The following CCSER1 variants were observed in gnomAD, a reference collection of about 807,000 sequenced individuals.
CCSER1 encodes serine-rich coiled-coil domain-containing protein 1.
In CCSER1, 41 loss-of-function variants were observed where a neutral mutation model predicts 82.0. The observed-to-expected ratio is 0.50, with a 90% CI of 0.39 to 0.65. The LOEUF (loss-of-function observed/expected upper bound fraction) is 0.65. Among genes scored for constraint, CCSER1 ranks in the 30% least tolerant of loss-of-function variants. The pLI is 0.00. For synonymous variants in CCSER1, 414 were observed against 383.9 expected, an observed-to-expected ratio of 1.08 and a Z score of -0.92; for missense variants, 1,119 against 1,064.2, an observed-to-expected ratio of 1.05 and a Z score of -0.72.
Position 90,178,961 on chromosome 4 carries a change from C to G in CCSER1, c.-42+51130C>G, listed in dbSNP as rs368954764. On this transcript the variant is annotated intron_variant, in intron 1 of 10. Transcript: ENST00000509176. ...CAAGGTGATTTTTTTCACCATTTAT[C>G]CTAAAGGAGAAACTTACGCATACAT... Among the ~76,000 whole-genome samples, 37 of 152,056 alleles carry G rather than the reference C, an allele frequency of 2.4e-4. 1 individual carries two copies. The highest frequency in any genetic ancestry group is 8.4e-4 in the African/African-American group (35 of 41,482).
At chr4:90,410,445 T>C (rs182892384) in intron 4 of CCSER1, among the ~76,000 whole-genome samples, 117 of 152,244 alleles carry the variant, frequency 7.7e-4, no homozygotes, top group African/African-American at 2.6e-3. Flanking sequence ...CCGACCACAG[T>C]GCAATCCAAC....
chr4:90,698,182 T>G (rs1737333890), intron 6 of CCSER1, among the ~76,000 whole-genome samples: 1 of 152,254 alleles, frequency 6.6e-6, no homozygotes, highest in East Asian at 1.9e-4. Flanking sequence ...TTTTTTATCT[T>G]GAGAGGGACT....
At chr4:90,752,740 A>C (rs1748868573) in intron 7 of CCSER1, among the ~76,000 whole-genome samples, 1 of 152,002 alleles carries the variant, frequency 6.6e-6, no homozygotes, top group South Asian at 2.1e-4. Context: ...GATGCCTTTC[A>C]ATTATTTATC....
chr4:91,163,961 A>T (rs1268897761), intron 10 of CCSER1, among the ~76,000 whole-genome samples: 1 of 152,092 alleles, frequency 6.6e-6, no homozygotes, highest in Non-Finnish European at 1.5e-5. Context: ...TGTGAATTTG[A>T]TCCTGTCATT....
intron 8 of CCSER1, among the ~76,000 whole-genome samples, chr4:90,847,631 G>A (rs2149908346): frequency 6.6e-6 from 1 of 151,950 alleles, no homozygotes; most frequent in South Asian, 2.1e-4. Flanking sequence ...AACTTTCTTA[G>A]GTTGTCAGAT....
chr4:90,936,958 A>G (rs1214776865), intron 9 of CCSER1, among the ~76,000 whole-genome samples: 1 of 151,346 alleles, frequency 6.6e-6, no homozygotes, highest in Non-Finnish European at 1.5e-5. Flanking sequence ...TATGTAAAAG[A>G]AAAAAAAAGA....
intron 10 of CCSER1, among the ~76,000 whole-genome samples, chr4:91,279,943 A>G (rs915044395): frequency 9.2e-5 from 14 of 152,158 alleles, no homozygotes; most frequent in African/African-American, 3.4e-4. Context: ...TGTTCGTTGG[A>G]TAAGGTGCTT....
At chr4:91,384,233 T>C (rs1427994071) in intron 10 of CCSER1, among the ~76,000 whole-genome samples, 2 of 152,094 alleles carry the variant, frequency 1.3e-5, no homozygotes, top group Non-Finnish European at 2.9e-5. Context: ...AACACCTAGA[T>C]CTACAAAATC....
At chr4:91,348,340 T>C (rs2149296061) in intron 10 of CCSER1, among the ~76,000 whole-genome samples, 1 of 152,292 alleles carries the variant, frequency 6.6e-6, no homozygotes, top group East Asian at 1.9e-4. Flanking sequence ...CATTTGATCA[T>C]GGTGTATAAT....
chr4:90,395,172 G>A (rs775204041), intron 3 of CCSER1, among the ~76,000 whole-genome samples: 10 of 152,130 alleles, frequency 6.6e-5, no homozygotes, highest in Non-Finnish European at 1.0e-4. Context: ...AGATCATGTG[G>A]TATTTATGTT....
At chr4:90,770,947 A>G (rs1752050285) in intron 7 of CCSER1, among the ~76,000 whole-genome samples, 1 of 152,194 alleles carries the variant, frequency 6.6e-6, no homozygotes, top group Non-Finnish European at 1.5e-5. Context: ...GTTGGAAGAA[A>G]AAACAGTTGT....
chr4:90,358,962 T>G (rs1017085924), intron 3 of CCSER1, among the ~76,000 whole-genome samples: 1 of 152,212 alleles, frequency 6.6e-6, no homozygotes, highest in African/African-American at 2.4e-5. Context: ...TGGAGATATA[T>G]TGACTAAAAT....
chr4:90,181,263 A>G (rs1283492676), intron 1 of CCSER1, among the ~76,000 whole-genome samples: 4 of 152,206 alleles, frequency 2.6e-5, no homozygotes, highest in Non-Finnish European at 5.9e-5. Context: ...TAAGCATTTG[A>G]TAATAATCAG....
At chr4:90,708,125 T>C (rs1176896247) in intron 6 of CCSER1, among the ~76,000 whole-genome samples, 1 of 152,178 alleles carries the variant, frequency 6.6e-6, no homozygotes. Context: ...TTTCTGATGT[T>C]GTTGGACCCA....
At chr4:91,356,340 G>A (rs1234389997) in intron 10 of CCSER1, among the ~76,000 whole-genome samples, 2 of 152,234 alleles carry the variant, frequency 1.3e-5, no homozygotes, top group African/African-American at 4.8e-5. Flanking sequence ...GCTGTTGGTT[G>A]TAATAGATGT....
At chr4:91,367,167 G>A (rs1201350402) in intron 10 of CCSER1, among the ~76,000 whole-genome samples, 6 of 143,798 alleles carry the variant, frequency 4.2e-5, no homozygotes, top group Admixed American at 7.0e-5. Context: ...AAAATGCAAA[G>A]TTCGCTTGTT....
At chr4:91,230,776 T>A (rs532672580) in intron 10 of CCSER1, among the ~76,000 whole-genome samples, 2 of 151,810 alleles carry the variant, frequency 1.3e-5, no homozygotes, top group Non-Finnish European at 3.0e-5. Flanking sequence ...CAGAAGACAA[T>A]GAATCACAAG....
chr4:91,492,543 C>A (rs1424412170), intron 10 of CCSER1, among the ~76,000 whole-genome samples: 1 of 152,044 alleles, frequency 6.6e-6, no homozygotes, highest in Admixed American at 6.6e-5. Context: ...TGTCAGAGAC[C>A]TATGTGTTTT....
At position 90,308,632 on chromosome 4, in the gene CCSER1, T is replaced by C; in HGVS notation, c.348T>C (p.Ser116=). The change falls in exon 2 of 11, where the codon TCT becomes TCC. Residue 116 remains serine, a synonymous_variant. Transcript: ENST00000509176. ...EEHIKTRGRH[S]VGFSSSRNKK... is the part of the protein sequence containing the mutation. ...ATATTAAGACCAGGGGAAGACATTC[T>C]GTTGGTTTTAGTAGTTCACGAAATA... The C allele has an allele frequency of 1.2e-6, 2 of 1,613,824 alleles. No individual in the cohort carries two copies. The highest frequency in any genetic ancestry group is 1.7e-6 in the Non-Finnish European group (2 of 1,179,864).
Sources: gnomAD v4.1 joint callset for allele counts (sites outside exome capture counted in the v4.1 genomes callset) on GRCh38, gnomAD v4.1.1 for gene constraint, MANE v1.5 for transcripts, NCBI Gene and HGNC (gene_info 2026-07-23, HGNC 2026-07-21) for gene names.